The following TUSC3 variants were observed in gnomAD, a reference collection of about 807,000 sequenced individuals.
TUSC3 encodes the protein tumor suppressor candidate 3.
Under a neutral mutation model 44.8 loss-of-function variants are expected in TUSC3, and 45 were observed. That is an observed-to-expected ratio of 1.00 (90% CI 0.79 to 1.29). TUSC3 has a LOEUF of 1.29. Among genes scored for constraint, TUSC3 ranks in the 50% most tolerant of loss-of-function variants. The pLI is 0.00. For missense variants in TUSC3, 519 were observed against 437.9 expected, an observed-to-expected ratio of 1.19 and a Z score of -1.65; for synonymous variants, 212 against 152.9, an observed-to-expected ratio of 1.39 and a Z score of -2.85.
At chr8:15,805,534 A>G in the TUSC3 span, among the ~76,000 whole-genome samples, 1 of 152,084 alleles carries the variant, frequency 6.6e-6, no homozygotes, top group African/African-American at 2.4e-5. Context: ...ATGGTTTATT[A>G]TGAAAGGATG....
the TUSC3 span, chr8:15,806,982 G>A: frequency 6.8e-7 from 1 of 1,464,068 alleles, no homozygotes; most frequent in Admixed American, 1.7e-5. Context: ...AACCTGTTCT[G>A]ATTCCATTCT....
chr8:15,808,517 G>A, the TUSC3 span, among the ~76,000 whole-genome samples: 1 of 152,052 alleles, frequency 6.6e-6, no homozygotes, highest in Non-Finnish European at 1.5e-5. Context: ...TCTGCTTCCA[G>A]CCTTTTAATG....
intron 1 of TUSC3, among the ~76,000 whole-genome samples, chr8:15,469,993 C>T (rs572372094): frequency 8.6e-5 from 13 of 152,030 alleles, no homozygotes; most frequent in South Asian, 2.1e-4. Flanking sequence ...AGGTGGCTTA[C>T]GCCTGTAATC....
intron 1 of TUSC3, among the ~76,000 whole-genome samples, chr8:15,455,528 A>G (rs1009384716): frequency 6.6e-6 from 1 of 152,218 alleles, no homozygotes; most frequent in African/African-American, 2.4e-5. Flanking sequence ...TACATAACAT[A>G]CAGAGGCACA....
the TUSC3 span, among the ~76,000 whole-genome samples, chr8:15,789,074 G>A: frequency 2.9e-4 from 44 of 152,270 alleles, no homozygotes; most frequent in African/African-American, 1.0e-3. Flanking sequence ...AACAGAATCC[G>A]TGTCGTCATT....
chr8:15,572,633 CCTCA>C (rs1389816458), intron 1 of TUSC3, among the ~76,000 whole-genome samples: 2 of 152,134 alleles, frequency 1.3e-5, no homozygotes, highest in African/African-American at 2.4e-5. Context: ...CACATGCCTT[CCTCA>C]CTAAGTTTAA....
chr8:15,851,912 T>A, the TUSC3 span, among the ~76,000 whole-genome samples: 1 of 152,082 alleles, frequency 6.6e-6, no homozygotes, highest in African/African-American at 2.4e-5. Context: ...GTTCTCGTGG[T>A]AGTGGGTAAG....
the TUSC3 span, chr8:15,806,159 A>T: frequency 2.1e-6 from 1 of 478,232 alleles, no homozygotes; most frequent in South Asian, 1.8e-5. Flanking sequence ...AGCACATAGC[A>T]TCAGTTGATG....
intron 6 of TUSC3, among the ~76,000 whole-genome samples, chr8:15,713,464 G>A (rs886835411): frequency 6.6e-6 from 1 of 152,154 alleles, no homozygotes; most frequent in African/African-American, 2.4e-5. Flanking sequence ...AAAACTAGCA[G>A]AATTTTTGTC....
intron 1 of TUSC3, among the ~76,000 whole-genome samples, chr8:15,596,605 T>G (rs1443774913): frequency 6.6e-6 from 1 of 152,152 alleles, no homozygotes; most frequent in Non-Finnish European, 1.5e-5. Flanking sequence ...AGTTGTAACC[T>G]TAATTTTTAA....
chr8:15,732,432 G>T (rs1226912422), intron 7 of TUSC3, among the ~76,000 whole-genome samples: 2 of 152,048 alleles, frequency 1.3e-5, no homozygotes, highest in African/African-American at 2.4e-5. Flanking sequence ...TGATTGTGAG[G>T]CTTCCACAGC....
the TUSC3 span, among the ~76,000 whole-genome samples, chr8:15,827,683 A>T: frequency 6.6e-6 from 1 of 152,178 alleles, no homozygotes; most frequent in South Asian, 2.1e-4. Flanking sequence ...GATGTTTTAT[A>T]AACCAGATTA....
At chr8:15,838,792 A>G in the TUSC3 span, among the ~76,000 whole-genome samples, 2 of 152,118 alleles carry the variant, frequency 1.3e-5, no homozygotes, top group Non-Finnish European at 2.9e-5. Context: ...AGGTAGCGTG[A>G]TGACTCCAGC....
At chr8:15,809,494 C>G in the TUSC3 span, among the ~76,000 whole-genome samples, 2 of 150,188 alleles carry the variant, frequency 1.3e-5, no homozygotes, top group Admixed American at 6.6e-5. Flanking sequence ...TCCAAGACCC[C>G]CCCTGTAGAT....
chr8:15,712,456 T>C (rs895878363), intron 6 of TUSC3, among the ~76,000 whole-genome samples: 17 of 152,034 alleles, frequency 1.1e-4, no homozygotes, highest in African/African-American at 4.1e-4. Context: ...GAGTTTAACT[T>C]CAGTTTCTCC....
intron 2 of TUSC3, among the ~76,000 whole-genome samples, chr8:15,626,713 C>T (rs1585167773): frequency 1.3e-5 from 2 of 152,192 alleles, no homozygotes; most frequent in Non-Finnish European, 2.9e-5. Flanking sequence ...AAGGATTGGG[C>T]ACTGTTGGAG....
chr8:15,668,737 C>G (rs1320781087), intron 5 of TUSC3, among the ~76,000 whole-genome samples: 2 of 151,756 alleles, frequency 1.3e-5, no homozygotes, highest in Admixed American at 6.6e-5. Flanking sequence ...ATCTGAGTAG[C>G]TGTTTTATTC....
intron 1 of TUSC3, among the ~76,000 whole-genome samples, chr8:15,436,185 C>T (rs1799943287): frequency 1.3e-5 from 2 of 152,140 alleles, no homozygotes; most frequent in African/African-American, 4.8e-5. Context: ...GTCTGAGAGA[C>T]AGAACATGGC....
the TUSC3 span, among the ~76,000 whole-genome samples, chr8:15,819,917 T>C: frequency 6.6e-6 from 1 of 152,176 alleles, no homozygotes; most frequent in African/African-American, 2.4e-5. Context: ...TTTCAAACAT[T>C]CTTGTTAGTC....
Sources: gnomAD v4.1 joint callset for allele counts (sites outside exome capture counted in the v4.1 genomes callset) on GRCh38, gnomAD v4.1.1 for gene constraint, MANE v1.5 for transcripts, NCBI Gene and HGNC (gene_info 2026-07-23, HGNC 2026-07-21) for gene names.